TMEM165: variants seen among roughly 807,000 people sequenced by gnomAD.
The protein encoded by TMEM165 is transmembrane protein 165.
TMEM165 carries 19 observed loss-of-function variants against 30.0 expected under a neutral mutation model. The observed-to-expected ratio is 0.63, with a 90% CI of 0.44 to 0.93. TMEM165 has a LOEUF of 0.93. Ranked by LOEUF, TMEM165 falls within the 40% of genes least tolerant of loss-of-function variation. The pLI is 0.00. For missense variants in TMEM165, 340 were observed against 417.0 expected (o/e 0.82, Z 1.61); for synonymous variants, 168 against 162.9 (o/e 1.03, Z -0.24).
chr4:55,424,494 T>C (rs1394326749), intron 4 of TMEM165, 44 bp from the exon 5 acceptor site: 18 of 1,203,142 alleles, frequency 1.5e-5, no homozygotes, highest in Non-Finnish European at 2.2e-5. Context: ...CAAGCAGCAG[T>C]TGTCACCTTG....
At chr4:55,429,839 ATGACT>A (rs1261163547), downstream of TMEM165, 2 of 152,184 alleles carry the variant, frequency 1.3e-5, no homozygotes, top group Non-Finnish European at 2.9e-5. Context: ...TCTTTCTTAG[ATGACT>A]TGAGGAGGGA....
chr4:55,412,768 T>C (rs1273771628), intron 2 of TMEM165: 3 of 152,122 alleles, frequency 2.0e-5, no homozygotes, highest in African/African-American at 7.2e-5. Context: ...CCCCATCATA[T>C]CTACCTGCAA....
intron 1 of TMEM165, among the ~76,000 whole-genome samples, chr4:55,402,786 TA>T (rs1275398612): frequency 7.4e-6 from 1 of 135,136 alleles, no homozygotes; most frequent in Non-Finnish European, 1.5e-5. Flanking sequence ...TTACAACTTT[TA>T]AAAAAAGCTT....
At chr4:55,398,883 A>C (rs1452909981) in intron 1 of TMEM165, 1 of 112,346 alleles carries the variant, frequency 8.9e-6, no homozygotes, top group African/African-American at 2.7e-5. Context: ...GAAAAAAAAA[A>C]AAAAACAACA....
intron 1 of TMEM165, among the ~76,000 whole-genome samples, chr4:55,406,760 A>T (rs1721284445): frequency 6.6e-6 from 1 of 151,782 alleles, no homozygotes; most frequent in Admixed American, 6.6e-5. Context: ...CCTGGGCTCA[A>T]GCGATCCTCT....
chr4:55,445,885 C>G (rs1723800302), intron 3 of TMEM165, among the ~76,000 whole-genome samples: 1 of 152,014 alleles, frequency 6.6e-6, no homozygotes, highest in African/African-American at 2.4e-5. Context: ...CATGAGCCAC[C>G]ACACCCAGCT....
At chr4:55,446,666 G>A (rs1336912495) in intron 3 of TMEM165, among the ~76,000 whole-genome samples, 1 of 152,178 alleles carries the variant, frequency 6.6e-6, no homozygotes, top group African/African-American at 2.4e-5. Flanking sequence ...CTTGAGTCAT[G>A]AGCAGCTCCT....
exon 4 of TMEM165, chr4:55,452,338 C>A (rs1465254268): frequency 6.6e-6 from 1 of 152,136 alleles, no homozygotes; most frequent in Non-Finnish European, 1.5e-5. Flanking sequence ...AAACCAAGGC[C>A]CTCAGTCCAA....
At chr4:55,403,191 T>C (rs1721105502) in intron 1 of TMEM165, 7 of 1,147,568 alleles carry the variant, frequency 6.1e-6, no homozygotes, top group Non-Finnish European at 8.1e-6. Context: ...ATCTCACCTC[T>C]TGTTTGATAA....
At chr4:55,421,145 C>T (rs114308766) in intron 4 of TMEM165, among the ~76,000 whole-genome samples, 4,215 of 122,486 alleles carry the variant, frequency 0.034, 216 homozygotes, top group African/African-American at 0.13. Context: ...CCACTCTGGT[C>T]GACAGAGCTA....
At chr4:55,420,634 A>G (rs761403661) in intron 4 of TMEM165, among the ~76,000 whole-genome samples, 1 of 152,174 alleles carries the variant, frequency 6.6e-6, no homozygotes, top group Non-Finnish European at 1.5e-5. Flanking sequence ...CTTAAATGGC[A>G]GAAATGTTGT....
At chr4:55,417,548 T>C in intron 3 of TMEM165, 1 of 522,758 alleles carries the variant, frequency 1.9e-6, no homozygotes, top group Non-Finnish European at 3.3e-6. Context: ...TCTCCCGTGG[T>C]GTCTAGGATA....
chr4:55,438,461 T>C (rs1173200503), intron 3 of TMEM165: 2 of 1,613,914 alleles, frequency 1.2e-6, no homozygotes, highest in Non-Finnish European at 1.7e-6. Context: ...ATAAGCATAG[T>C]ACTAGGTACC....
chr4:55,435,441 C>T (rs1013183492), intron 3 of TMEM165: 3 of 1,613,944 alleles, frequency 1.9e-6, no homozygotes, highest in Non-Finnish European at 2.5e-6. Context: ...TTGGAAGGGT[C>T]GGGCAAGCTG....
At chr4:55,435,036 C>T in intron 3 of TMEM165, 1 of 317,438 alleles carries the variant, frequency 3.2e-6, no homozygotes, top group East Asian at 7.9e-5. Context: ...GGTATGTCCT[C>T]TGTAACACTT....
chr4:55,402,403 GTATATATATATA>G lies in TMEM165; in HGVS notation c.207+6027_207+6038del, dbSNP rs869107499. Reference sequence around the variant, plus strand: ...TAAGTGCGTGCGTGTGTGTGTGTGTGTATATATATATATATATATATATATATATATTTTTTT... The same window carrying G: ...TAAGTGCGTGCGTGTGTGTGTGTGTGTATATATATATATATATATTTTTTT... On this transcript the variant is annotated intron_variant, in intron 1 of 5. Coordinates refer to ENST00000381334, the MANE Select transcript of TMEM165 (RefSeq NM_018475.5). 8.7e-4 allele frequency among the ~76,000 whole-genome samples: 42 copies of G among 48,164 alleles called. 2 individuals carry two copies. The highest frequency in any genetic ancestry group is 0.01 in the Middle Eastern group (1 of 100). The allele number at this position is 48,164 out of a possible 152,430, so 31.6% of individuals were successfully genotyped here. A position where few individuals can be genotyped will look rare whatever the true frequency, so the allele number is the denominator to read the frequency against.
In TMEM165 at chr4:55,445,103, CTTTTAATATT is replaced by C. The variant is rs1173031445; in HGVS notation, c.409-7133_409-7124del. Among the ~76,000 whole-genome samples the C allele has an allele frequency of 2.2e-4, 29 of 132,098 alleles. 8 individuals carry two copies. Among genetic ancestry groups the C allele is most frequent in the South Asian group, 5.2e-4 (2 of 3,824 alleles). 86.7% of individuals were successfully genotyped at this position (132,098 alleles called of 152,430 possible). The stretch of plus-strand genomic sequence containing the variant: ...CTTATGTCAGGGTGCCAACGGGAAG[CTTTTAATATT>C]TTCTCAACCACGTTTAACATATGAT... On this transcript the variant is annotated intron_variant, in intron 3 of 3. Coordinates refer to the TMEM165 transcript ENST00000608091.
intron 2 of TMEM165, chr4:55,416,198 C>T (rs1721713865): frequency 6.6e-6 from 1 of 152,072 alleles, no homozygotes; most frequent in African/African-American, 2.4e-5. Flanking sequence ...TCCTCTGTTC[C>T]TTACATAGTT....
Position 55,449,662 on chromosome 4 carries a change from T to A in TMEM165, c.409-2577T>A, listed in dbSNP as rs529029886. 3.3e-5 allele frequency among the ~76,000 whole-genome samples: 5 copies of A among 152,240 alleles called. No individual in the cohort carries two copies. The South Asian group carries it at 1.0e-3, about 32-fold the overall frequency. On this transcript the variant is annotated intron_variant, in intron 3 of 3. Coordinates refer to the TMEM165 transcript ENST00000608091. ...AGATGATTCAATGTAGTTACTTCTA[T>A]CTTTTTATGAGCACAAAGAAAATAG...
Sources: allele counts gnomAD v4.1 joint callset (sites outside exome capture counted in the v4.1 genomes callset), GRCh38; gene constraint gnomAD v4.1.1; transcripts MANE v1.5; gene names NCBI Gene and HGNC (gene_info 2026-07-23, HGNC 2026-07-21).